LSAMP: variants seen among roughly 807,000 people sequenced by gnomAD.
The protein encoded by LSAMP is limbic system-associated membrane protein.
Under a neutral mutation model 38.6 loss-of-function variants are expected in LSAMP, and 7 were observed. The ratio of observed to expected loss-of-function variants is 0.18; its 90% CI spans 0.10 to 0.34. The LOEUF (loss-of-function observed/expected upper bound fraction) is 0.34, where lower values mean the gene tolerates loss of function less well. Among genes scored for constraint, LSAMP ranks in the 10% least tolerant of loss-of-function variants. The pLI is 1.00. For missense variants in LSAMP, 313 were observed against 420.0 expected (o/e 0.75, Z 2.23); for synonymous variants, 154 against 166.8 (o/e 0.92, Z 0.59).
chr3:115,872,656 G>A (rs768293177), intron 3 of LSAMP, among the ~76,000 whole-genome samples: 6 of 152,072 alleles, frequency 3.9e-5, no homozygotes, highest in Non-Finnish European at 8.8e-5. Context: ...AGGAAAGAAC[G>A]TAAGTATTTA....
At chr3:116,426,438 G>A (rs1252426780) in intron 1 of LSAMP, among the ~76,000 whole-genome samples, 1 of 146,086 alleles carries the variant, frequency 6.8e-6, no homozygotes, top group African/African-American at 2.6e-5. Flanking sequence ...TCCAGCCTGG[G>A]CAATAAAGGC....
At chr3:116,392,148 G>A (rs753966035) in intron 1 of LSAMP, among the ~76,000 whole-genome samples, 23 of 152,202 alleles carry the variant, frequency 1.5e-4, no homozygotes, top group African/African-American at 3.1e-4. Context: ...AGGCATGGCC[G>A]GGGTACACAT....
At chr3:116,400,233 A>C (rs1004377504) in intron 1 of LSAMP, among the ~76,000 whole-genome samples, 1 of 152,044 alleles carries the variant, frequency 6.6e-6, no homozygotes, top group African/African-American at 2.4e-5. Context: ...GCTTTAGTCC[A>C]CTAGATGGGC....
chr3:115,988,451 TTTTG>T (rs1444013331), intron 3 of LSAMP, among the ~76,000 whole-genome samples: 3 of 151,984 alleles, frequency 2.0e-5, no homozygotes, highest in Admixed American at 6.6e-5. Flanking sequence ...ATAAAGTGTT[TTTTG>T]TTTGTTTGTC....
intron 2 of LSAMP, among the ~76,000 whole-genome samples, chr3:116,080,402 T>G (rs927037604): frequency 6.6e-6 from 1 of 152,226 alleles, no homozygotes; most frequent in Admixed American, 6.5e-5. Context: ...AAAAGCAGTT[T>G]AGATTAGAAA....
chr3:116,261,607 T>C (rs999446165), intron 1 of LSAMP, among the ~76,000 whole-genome samples: 4 of 152,184 alleles, frequency 2.6e-5, no homozygotes, highest in Non-Finnish European at 5.9e-5. Context: ...AATTTTCTGA[T>C]TAAAAAACAA....
intron 2 of LSAMP, among the ~76,000 whole-genome samples, chr3:116,028,598 A>G (rs188498848): frequency 4.1e-4 from 63 of 152,306 alleles, no homozygotes; most frequent in African/African-American, 1.4e-3. Flanking sequence ...TTAGGGTCAA[A>G]TAAGATAATG....
intron 1 of LSAMP, among the ~76,000 whole-genome samples, chr3:116,242,908 A>C (rs1457572633): frequency 6.6e-6 from 1 of 152,232 alleles, no homozygotes; most frequent in African/African-American, 2.4e-5. Flanking sequence ...ATCCTGAAGT[A>C]AACTCTTGAT....
At chr3:115,890,435 A>G (rs1361020829) in intron 3 of LSAMP, among the ~76,000 whole-genome samples, 1 of 151,922 alleles carries the variant, frequency 6.6e-6, no homozygotes, top group Non-Finnish European at 1.5e-5. Context: ...TGGAACTAGT[A>G]GTTCAGGTTA....
In LSAMP at chr3:115,810,306, T is replaced by C. The variant is rs1933780897; in HGVS notation, c.*11A>G. 3 of 1,570,126 alleles carry C rather than the reference T, an allele frequency of 1.9e-6. No individual in the cohort carries two copies. In the East Asian group the frequency reaches 7.0e-5, roughly 37 times the overall value. ...GTGTGTTTTTTAAATTATTTTTAAA[T>C]TTTTATTCTATTAACATTTGCTGAG... On this transcript the variant is annotated 3_prime_UTR_variant, in exon 7 of 7. Transcript: ENST00000490035.
intron 1 of LSAMP, among the ~76,000 whole-genome samples, chr3:116,193,485 G>A (rs917099887): frequency 6.6e-6 from 1 of 152,128 alleles, no homozygotes; most frequent in African/African-American, 2.4e-5. Context: ...TTTTTCAAAG[G>A]TAAATGAAAT....
intron 3 of LSAMP, among the ~76,000 whole-genome samples, chr3:115,880,971 G>A (rs923447517): frequency 3.3e-5 from 5 of 152,034 alleles, no homozygotes; most frequent in South Asian, 2.1e-4. Context: ...CCAAGAGGCC[G>A]AGGTTGCAGT....
rs528621759 is a variant in LSAMP, at chr3:116,131,044, G to A, written c.156-44488C>T. ...CTTGATCTGTCGCCCAGGCTGGAGT[G>A]CAGTGGCACGGTCTTGGCTCACTGC... On this transcript the variant is annotated intron_variant, in intron 1 of 6. Transcript: ENST00000490035. Among the ~76,000 whole-genome samples the A allele has an allele frequency of 4.2e-5, 6 of 141,412 alleles. No individual in the cohort carries two copies. In the South Asian group the frequency reaches 1.3e-3, roughly 32 times the overall value. The allele number at this position is 141,412 out of a possible 152,430, so 92.8% of individuals were successfully genotyped here.
chr3:116,047,054 A>G (rs1941304231), intron 2 of LSAMP, among the ~76,000 whole-genome samples: 1 of 152,106 alleles, frequency 6.6e-6, no homozygotes, highest in Non-Finnish European at 1.5e-5. Context: ...CAGATACTTA[A>G]CTGATGCTGG....
At chr3:116,139,303 G>T (rs909578033) in intron 1 of LSAMP, among the ~76,000 whole-genome samples, 4 of 151,876 alleles carry the variant, frequency 2.6e-5, no homozygotes, top group Non-Finnish European at 5.9e-5. Context: ...AACTTATTTT[G>T]ATCAGAAGCT....
chr3:116,002,390 T>C (rs1372550671), intron 3 of LSAMP, among the ~76,000 whole-genome samples: 1 of 152,100 alleles, frequency 6.6e-6, no homozygotes, highest in Non-Finnish European at 1.5e-5. Context: ...CACGGGGATA[T>C]TAGGAAGGAG....
chr3:116,041,817 A>C (rs1023494645), intron 2 of LSAMP, among the ~76,000 whole-genome samples: 4 of 144,280 alleles, frequency 2.8e-5, no homozygotes, highest in Non-Finnish European at 4.6e-5. Context: ...AAAACAAAAC[A>C]AAAAAAAAAC....
intron 1 of LSAMP, among the ~76,000 whole-genome samples, chr3:116,218,063 C>G (rs938060150): frequency 2.0e-5 from 3 of 152,072 alleles, no homozygotes; most frequent in African/African-American, 4.8e-5. Context: ...AAAATGGGCG[C>G]TGTGGATCCG....
At chr3:116,374,769 C>T (rs994088619) in intron 1 of LSAMP, among the ~76,000 whole-genome samples, 1 of 151,844 alleles carries the variant, frequency 6.6e-6, no homozygotes. Flanking sequence ...TACAATCATC[C>T]TACACATTTC....
Sources: allele counts gnomAD v4.1 joint callset (sites outside exome capture counted in the v4.1 genomes callset), GRCh38; gene constraint gnomAD v4.1.1; transcripts MANE v1.5; gene names NCBI Gene and HGNC (gene_info 2026-07-23, HGNC 2026-07-21).